SYNJ2: variants seen among roughly 807,000 people sequenced by gnomAD.
The protein encoded by SYNJ2 is synaptojanin 2.
In SYNJ2, 116 loss-of-function variants were observed where a neutral mutation model predicts 141.3. That is an observed-to-expected ratio of 0.82 (90% CI 0.71 to 0.96). The LOEUF (loss-of-function observed/expected upper bound fraction) is 0.96. Among genes scored for constraint, SYNJ2 ranks in the 40% least tolerant of loss-of-function variants. The pLI is 0.00. For synonymous variants in SYNJ2, 745 were observed against 777.7 expected (o/e 0.96, Z 0.70); for missense variants, 1,873 against 1,934.8 (o/e 0.97, Z 0.60).
intron 23 of SYNJ2, 44 bp from the exon 24 acceptor site, chr6:158,088,616 T>G (rs755665839): frequency 6.8e-7 from 1 of 1,472,036 alleles, no homozygotes. Flanking sequence ...TGGGAAGTTG[T>G]GCCTTCACTG....
chr6:158,093,435 C>CAAAAA (rs1004076513), intron 26 of SYNJ2, among the ~76,000 whole-genome samples: 3 of 51,540 alleles, frequency 5.8e-5, no homozygotes, highest in African/African-American at 2.5e-4. Flanking sequence ...GACTCCACCT[C>CAAAAA]AAAAAAAAAA....
chr6:158,064,333 C>T lies in SYNJ2; in HGVS notation c.1210-268C>T, dbSNP rs1781420996. On this transcript the variant is annotated intron_variant, in intron 9 of 26. Coordinates refer to ENST00000355585, the MANE Select transcript of SYNJ2 (RefSeq NM_003898.4). The stretch of plus-strand genomic sequence containing the variant: ...CTGTCCACCACTGTTTGCTCTTCAG[C>T]CTCTGGCATTGGGTGGGGCGGGGCG... Among the ~76,000 whole-genome samples the T allele has an allele frequency of 2.0e-5, 3 of 150,570 alleles. No homozygotes were observed. The South Asian group carries it at 6.4e-4, about 32-fold the overall frequency.
At chr6:157,987,947 G>C (rs887303189) in intron 1 of SYNJ2, among the ~76,000 whole-genome samples, 3 of 152,212 alleles carry the variant, frequency 2.0e-5, no homozygotes, top group African/African-American at 7.2e-5. Flanking sequence ...CGCTCTGCTG[G>C]TGAGCTCGGG....
At chr6:158,029,574 GA>G (rs1779256931) in intron 3 of SYNJ2, among the ~76,000 whole-genome samples, 1 of 151,728 alleles carries the variant, frequency 6.6e-6, no homozygotes, top group South Asian at 2.1e-4. Context: ...CAAAGAAAAA[GA>G]AAGAAAGAAA....
intron 5 of SYNJ2, among the ~76,000 whole-genome samples, chr6:158,050,647 G>T (rs563118026): frequency 2.0e-5 from 3 of 152,228 alleles, no homozygotes; most frequent in African/African-American, 7.2e-5. Flanking sequence ...CTTCTGCTGT[G>T]GGCAGCTGAT....
chr6:157,981,595 C>G (rs992911043), upstream of SYNJ2, among the ~76,000 whole-genome samples: 1 of 152,012 alleles, frequency 6.6e-6, no homozygotes, highest in African/African-American at 2.4e-5. The surrounding 1 kb of genome is among the most constrained non-coding windows in gnomAD (Gnocchi z 6.4). Flanking sequence ...GCCAGGCTCC[C>G]GGGGTCGCCC....
chr6:158,000,064 C>CTTTTTTTTTTTTT lies in SYNJ2; in HGVS notation c.128-17113_128-17101dup, dbSNP rs58284240. ...GCCAGGTTCTCACCAAGCCAAAAGG[C>CTTTTTTTTTTTTT]TTTTTTTTTTTTTTTTTTTTTTTTT... is the stretch of plus-strand genomic sequence containing the variant. On this transcript the variant is annotated intron_variant, in intron 1 of 26. Transcript: ENST00000355585. 2.0e-4 allele frequency among the ~76,000 whole-genome samples: 17 copies of CTTTTTTTTTTTTT among 85,600 alleles called. 3 individuals are homozygous for CTTTTTTTTTTTTT. The highest frequency in any genetic ancestry group is 2.4e-4 in the Non-Finnish European group (10 of 40,836). 56.2% of individuals were successfully genotyped at this position (85,600 alleles called of 152,430 possible).
chr6:158,029,783 GCTGGTAATAA>G (rs1322120524), intron 3 of SYNJ2, among the ~76,000 whole-genome samples: 1 of 152,094 alleles, frequency 6.6e-6, no homozygotes, highest in African/African-American at 2.4e-5. Context: ...AGATCTCTCT[GCTGGTAATAA>G]CTCATCATTA....
chr6:158,062,656 G>A (rs1781296757), intron 8 of SYNJ2, among the ~76,000 whole-genome samples: 1 of 152,110 alleles, frequency 6.6e-6, no homozygotes, highest in Non-Finnish European at 1.5e-5. Flanking sequence ...CAGGTCACAT[G>A]CAGGGGGTCC....
At chr6:158,054,720 C>T (rs1442323306) in intron 5 of SYNJ2, among the ~76,000 whole-genome samples, 2 of 152,180 alleles carry the variant, frequency 1.3e-5, no homozygotes, top group East Asian at 1.9e-4. Flanking sequence ...TTGCAGCAGA[C>T]ATGGTCATGT....
chr6:158,033,691 A>G lies in SYNJ2; in HGVS notation c.711+11A>G. 1 of 1,594,066 alleles carries G rather than the reference A, an allele frequency of 6.3e-7. No homozygotes were observed. The highest frequency in any genetic ancestry group is 8.6e-7 in the Non-Finnish European group (1 of 1,168,882). The stretch of plus-strand genomic sequence containing the variant: ...GTGGAGACAGAGCAGGTGAGTGCCC[A>G]GGCCCATCTGTGGCACCAAATGGTT... On this transcript the variant is annotated intron_variant, in intron 4 of 26. Transcript: ENST00000355585.
chr6:158,024,543 T>G (rs773050088), intron 2 of SYNJ2, among the ~76,000 whole-genome samples: 1 of 152,174 alleles, frequency 6.6e-6, no homozygotes, highest in Non-Finnish European at 1.5e-5. Flanking sequence ...TTGACCACAC[T>G]CTTAAAGAGG....
intron 4 of SYNJ2, among the ~76,000 whole-genome samples, chr6:158,038,609 G>A (rs748356096): frequency 6.6e-6 from 1 of 152,214 alleles, no homozygotes; most frequent in Non-Finnish European, 1.5e-5. Flanking sequence ...ACTTCCCAGC[G>A]CTGAGTCCAG....
Position 158,081,240 on chromosome 6 carries a change from C to A in SYNJ2, c.2699C>A (p.Thr900Asn), listed in dbSNP as rs973105145. 2.5e-6 allele frequency: 4 copies of A among 1,614,106 alleles called. No individual in the cohort carries two copies. Among genetic ancestry groups the A allele is most frequent in the Non-Finnish European group, 3.4e-6 (4 of 1,180,012 alleles). Residue 900 changes from threonine to asparagine, a missense_variant, in exon 19 of 27, where the codon ACC becomes AAC. Physicochemically the swap from Thr to Asn is moderately conservative, Grantham distance 65 (BLOSUM62 0). Transcript: ENST00000355585. Reference sequence around the variant, plus strand: ...GTTGTAGTAAACCTTCAATCACCGACCTTAGAAGAGAAAAACGAGTTTCCA... The same window carrying A: ...GTTGTAGTAAACCTTCAATCACCGAACTTAGAAGAGAAAAACGAGTTTCCA... Reference protein sequence around the residue: ...ATVVVNLQSPTLEEKNEFPED... With the variant: ...ATVVVNLQSPNLEEKNEFPED...
intron 8 of SYNJ2, 125 bp from the exon 9 acceptor site, chr6:158,063,659 CAAAAAAA>C (rs71298907): frequency 3.1e-4 from 59 of 188,734 alleles, no homozygotes; most frequent in African/African-American, 1.2e-3. Flanking sequence ...GACTCTGTCT[CAAAAAAA>C]AAAAAAAAAA....
At chr6:158,031,167 G>A (rs1395338373) in intron 3 of SYNJ2, among the ~76,000 whole-genome samples, 3 of 152,196 alleles carry the variant, frequency 2.0e-5, no homozygotes, top group Non-Finnish European at 1.5e-5. Flanking sequence ...GCACAGAGGG[G>A]CTGTGTATTA....
chr6:158,092,349 A>C (rs1473142075), intron 25 of SYNJ2, among the ~76,000 whole-genome samples: 1 of 152,154 alleles, frequency 6.6e-6, no homozygotes, highest in Non-Finnish European at 1.5e-5. Context: ...TGAGCATGAA[A>C]ACCTGGGACT....
rs977406130 is a variant in SYNJ2 at position 158,012,931 on chromosome 6, C to T, written c.128-4273C>T. Among the ~76,000 whole-genome samples, 52 of 152,216 alleles carry T rather than the reference C, an allele frequency of 3.4e-4. 1 individual carries two copies. The highest frequency in any genetic ancestry group is 5.6e-4 in the Non-Finnish European group (38 of 68,042). On this transcript the variant is annotated intron_variant, in intron 1 of 26. Transcript: ENST00000355585. The stretch of plus-strand genomic sequence containing the variant: ...TTGATTATCTTTAAGTTACTCTGCA[C>T]TCTCCCTTCCCCAGAGAAAACCCAG...
intron 1 of SYNJ2, among the ~76,000 whole-genome samples, chr6:157,997,574 T>C (rs1347839488): frequency 3.9e-5 from 6 of 152,168 alleles, no homozygotes; most frequent in Admixed American, 2.0e-4. Flanking sequence ...TGATCTTGGA[T>C]TTCTGGCCTC....
Sources: allele counts gnomAD v4.1 joint callset (sites outside exome capture counted in the v4.1 genomes callset), GRCh38; gene constraint gnomAD v4.1.1; non-coding constraint Gnocchi (gnomAD v3.1); transcripts MANE v1.5; gene names NCBI Gene and HGNC (gene_info 2026-07-23, HGNC 2026-07-21).